Variants in RGS7 observed in about 807,000 individuals in gnomAD.
RGS7 encodes the protein regulator of G protein signaling 7.
Under a neutral mutation model 81.1 loss-of-function variants are expected in RGS7, and 27 were observed. That is an observed-to-expected ratio of 0.33 (90% CI 0.25 to 0.46). The LOEUF is 0.46. Ranked by LOEUF, RGS7 falls within the 20% of genes least tolerant of loss-of-function variation. RGS7 has a pLI of 1.00. For missense variants in RGS7, 396 were observed against 607.4 expected (o/e 0.65, Z 3.66); for synonymous variants, 208 against 207.7 (o/e 1.00, Z -0.01).
chr1:241,304,801 C>T (rs1192320062), intron 2 of RGS7, among the ~76,000 whole-genome samples: 2 of 152,166 alleles, frequency 1.3e-5, no homozygotes, highest in Non-Finnish European at 2.9e-5. Flanking sequence ...AATATATTTG[C>T]ACATATGTGA....
At chr1:241,335,915 A>G (rs933550018) in intron 2 of RGS7, among the ~76,000 whole-genome samples, 3 of 151,284 alleles carry the variant, frequency 2.0e-5, no homozygotes, top group Admixed American at 2.0e-4. Flanking sequence ...CTACTGATAC[A>G]CTGCTGATAT....
chr1:241,088,889 T>C (rs1168468905), intron 3 of RGS7, among the ~76,000 whole-genome samples: 1 of 150,960 alleles, frequency 6.6e-6, no homozygotes, highest in African/African-American at 2.4e-5. Flanking sequence ...CAGGTGCCTG[T>C]AGTCCCAGCT....
chr1:240,932,297 C>T (rs555905674), intron 5 of RGS7, among the ~76,000 whole-genome samples: 1 of 152,020 alleles, frequency 6.6e-6, no homozygotes, highest in South Asian at 2.1e-4. Flanking sequence ...ACAAAATCAT[C>T]GTAGGAATTC....
At chr1:241,251,544 C>T (rs944777845) in intron 2 of RGS7, among the ~76,000 whole-genome samples, 3 of 150,974 alleles carry the variant, frequency 2.0e-5, no homozygotes, top group East Asian at 1.9e-4. Context: ...GAGTCCTGCT[C>T]GATTGCCCAG....
chr1:241,270,760 C>CT lies in RGS7; in HGVS notation c.78+84938_78+84939insA, dbSNP rs202144356. Among the ~76,000 whole-genome samples the CT allele has an allele frequency of 1.5e-3, 219 of 148,684 alleles. 1 individual carries two copies. Among genetic ancestry groups the CT allele is most frequent in the East Asian group, 2.2e-3 (11 of 5,012 alleles). On this transcript the variant is annotated intron_variant, in intron 2 of 18. Transcript: ENST00000440928. ...GTGTTCATAGAAATAAACCCCCCCC[C>CT]CTTTTTTTTTTTCTTGAGACGGAGT...
chr1:240,992,373 G>T (rs1044700637), intron 3 of RGS7, among the ~76,000 whole-genome samples: 1 of 152,052 alleles, frequency 6.6e-6, no homozygotes, highest in Non-Finnish European at 1.5e-5. Flanking sequence ...GCGTGGTGGC[G>T]TGCGCCTGTA....
chr1:240,994,830 G>A (rs1687031478), intron 3 of RGS7, among the ~76,000 whole-genome samples: 2 of 151,900 alleles, frequency 1.3e-5, no homozygotes, highest in Admixed American at 6.6e-5. Context: ...TATTGTCCAT[G>A]CTTGGCTAAT....
chr1:241,180,960 G>C (rs532487373), intron 2 of RGS7, among the ~76,000 whole-genome samples: 2 of 152,314 alleles, frequency 1.3e-5, no homozygotes, highest in South Asian at 2.1e-4. Context: ...ATCCAAAAAG[G>C]CTACCTACTG....
chr1:241,283,587 T>C (rs61832567), intron 2 of RGS7, among the ~76,000 whole-genome samples: 5,182 of 152,288 alleles, frequency 0.034, 118 homozygotes, highest in Middle Eastern at 0.068. Flanking sequence ...TTAATTATGG[T>C]TTGTTTGACA....
At chr1:240,826,155 T>G (rs531959145) in intron 10 of RGS7, among the ~76,000 whole-genome samples, 13 of 152,212 alleles carry the variant, frequency 8.5e-5, no homozygotes, top group Non-Finnish European at 1.5e-4. Context: ...CGCCTCTCTC[T>G]TGGAGAGTTC....
intron 2 of RGS7, among the ~76,000 whole-genome samples, chr1:241,227,128 G>A (rs1358125254): frequency 6.6e-6 from 1 of 152,172 alleles, no homozygotes; most frequent in Non-Finnish European, 1.5e-5. Context: ...AGGGGAAAAG[G>A]AGGAATCTAC....
intron 2 of RGS7, among the ~76,000 whole-genome samples, chr1:241,138,621 T>C (rs953269959): frequency 4.6e-5 from 7 of 152,226 alleles, no homozygotes; most frequent in African/African-American, 1.4e-4. Context: ...TTAAGGTGAT[T>C]GCGTAGCCGG....
At chr1:241,218,719 A>G (rs2074718648) in intron 2 of RGS7, among the ~76,000 whole-genome samples, 1 of 152,094 alleles carries the variant, frequency 6.6e-6, no homozygotes. Flanking sequence ...ATCTCGGCTC[A>G]CCGCAACCTC....
At chr1:241,347,297 T>C (rs181617097) in intron 2 of RGS7, among the ~76,000 whole-genome samples, 1 of 152,066 alleles carries the variant, frequency 6.6e-6, no homozygotes, top group Non-Finnish European at 1.5e-5. Context: ...CTAAGGGAAG[T>C]TGAGACACTT....
At chr1:240,916,632 GT>G (rs1181827459) in intron 6 of RGS7, among the ~76,000 whole-genome samples, 1 of 152,128 alleles carries the variant, frequency 6.6e-6, no homozygotes, top group Non-Finnish European at 1.5e-5. Flanking sequence ...GACTGGTGTT[GT>G]TCTAAGAGGA....
chr1:240,888,786 G>C (rs1667792723), intron 6 of RGS7, among the ~76,000 whole-genome samples: 1 of 152,078 alleles, frequency 6.6e-6, no homozygotes, highest in African/African-American at 2.4e-5. Context: ...GGAGGCGACA[G>C]TCAAAGCCAG....
At chr1:241,182,570 T>C (rs2071713904) in intron 2 of RGS7, among the ~76,000 whole-genome samples, 1 of 152,094 alleles carries the variant, frequency 6.6e-6, no homozygotes, top group Non-Finnish European at 1.5e-5. Context: ...GTTTTGAAAA[T>C]TGAGTATTCA....
At chr1:241,118,173 T>G (rs1343027420) in intron 2 of RGS7, among the ~76,000 whole-genome samples, 1 of 152,200 alleles carries the variant, frequency 6.6e-6, no homozygotes, top group African/African-American at 2.4e-5. Flanking sequence ...AACTGGAACA[T>G]GATTCAACCA....
chr1:241,127,504 G>T (rs1166432104), intron 2 of RGS7, among the ~76,000 whole-genome samples: 2 of 152,134 alleles, frequency 1.3e-5, no homozygotes, highest in Non-Finnish European at 2.9e-5. Context: ...AGAACACATG[G>T]ACACAGGAAG....
Sources: gnomAD v4.1 joint callset for allele counts (sites outside exome capture counted in the v4.1 genomes callset) on GRCh38, gnomAD v4.1.1 for gene constraint, MANE v1.5 for transcripts, NCBI Gene and HGNC (gene_info 2026-07-23, HGNC 2026-07-21) for gene names.